SAMD5: variants seen among roughly 807,000 people sequenced by gnomAD.
SAMD5 encodes sterile alpha motif domain containing 5.
SAMD5 carries 13 observed loss-of-function variants against 11.3 expected under a neutral mutation model. The ratio of observed to expected loss-of-function variants is 1.15; its 90% CI spans 0.75 to 1.83. The LOEUF is 1.83. SAMD5 is among the 40% of genes most tolerant of loss of function. SAMD5 has a pLI of 0.00. For synonymous variants in SAMD5, 129 were observed against 111.3 expected, an observed-to-expected ratio of 1.16 and a Z score of -1.00; for missense variants, 255 against 239.1, an observed-to-expected ratio of 1.07 and a Z score of -0.44.
chr6:147,652,947 C>T (rs569672029), intron 1 of SAMD5, among the ~76,000 whole-genome samples: 2 of 152,240 alleles, frequency 1.3e-5, no homozygotes, highest in Admixed American at 6.5e-5. Flanking sequence ...CAGAATTCAG[C>T]GACTTCGATT....
intron 1 of SAMD5, among the ~76,000 whole-genome samples, chr6:147,719,029 ACAAC>A (rs1791507337): frequency 1.3e-5 from 2 of 152,182 alleles, no homozygotes; most frequent in South Asian, 4.1e-4. Context: ...TCTTGTGGAA[ACAAC>A]CAGCCAGATA....
chr6:147,808,068 A>G, the SAMD5 span, among the ~76,000 whole-genome samples: 2 of 152,240 alleles, frequency 1.3e-5, no homozygotes, highest in Non-Finnish European at 2.9e-5. Context: ...CCTCAAAATG[A>G]GAGTCTAGAC....
At chr6:147,914,158 CTTT>C in the SAMD5 span, among the ~76,000 whole-genome samples, 38 of 132,304 alleles carry the variant, frequency 2.9e-4, no homozygotes, top group Admixed American at 4.5e-4. Flanking sequence ...GTTTTTGCGA[CTTT>C]TTTTTTTTTT....
At chr6:147,645,779 G>T (rs1790387540) in intron 1 of SAMD5, among the ~76,000 whole-genome samples, 1 of 152,142 alleles carries the variant, frequency 6.6e-6, no homozygotes, top group Non-Finnish European at 1.5e-5. Flanking sequence ...TGCTGATTGT[G>T]TGAGAAATAC....
At chr6:147,648,753 A>C (rs1790440256) in intron 1 of SAMD5, among the ~76,000 whole-genome samples, 1 of 152,262 alleles carries the variant, frequency 6.6e-6, no homozygotes, top group Non-Finnish European at 1.5e-5. Context: ...CAAGAAACAT[A>C]AAGAAAGTAA....
intron 1 of SAMD5, among the ~76,000 whole-genome samples, chr6:147,511,716 A>T (rs1269993434): frequency 1.3e-5 from 2 of 152,170 alleles, no homozygotes; most frequent in East Asian, 3.8e-4. Context: ...CATATAATTA[A>T]TATACATATA....
chr6:147,753,654 A>G, the SAMD5 span, among the ~76,000 whole-genome samples: 4 of 152,028 alleles, frequency 2.6e-5, no homozygotes. Flanking sequence ...AACAGGTCCT[A>G]TTCATTCTAC....
the SAMD5 span, among the ~76,000 whole-genome samples, chr6:147,926,309 G>C: frequency 6.6e-6 from 1 of 152,084 alleles, no homozygotes; most frequent in Non-Finnish European, 1.5e-5. Flanking sequence ...TGTTGACGGT[G>C]TATAAGAATT....
intron 1 of SAMD5, among the ~76,000 whole-genome samples, chr6:147,582,141 C>T (rs1789307686): frequency 6.6e-6 from 1 of 150,952 alleles, no homozygotes; most frequent in Admixed American, 6.6e-5. Context: ...GGTGGATCAT[C>T]TGAGGTCAGA....
At chr6:147,828,022 G>A in the SAMD5 span, among the ~76,000 whole-genome samples, 4 of 151,504 alleles carry the variant, frequency 2.6e-5, no homozygotes, top group East Asian at 3.9e-4. Context: ...TCCTGACCTC[G>A]TGATCTGCCC....
chr6:147,651,730 G>A lies in SAMD5; in HGVS notation c.163-85587G>A, dbSNP rs139330037. On this transcript the variant is annotated intron_variant, in intron 1 of 1. Transcript: ENST00000566741. ...CCGGTTTGAAGTATTTTATTATAGTGGCCCAAACAGATGAAGACTACTATT... is the reference window on the plus strand; with the variant it reads ...CCGGTTTGAAGTATTTTATTATAGTAGCCCAAACAGATGAAGACTACTATT... Among the ~76,000 whole-genome samples, 3 of 152,194 alleles carry A rather than the reference G, an allele frequency of 2.0e-5. No individual in the cohort carries two copies. The East Asian group carries it at 5.8e-4, about 29-fold the overall frequency.
the SAMD5 span, among the ~76,000 whole-genome samples, chr6:147,876,665 G>A: frequency 6.6e-6 from 1 of 152,208 alleles, no homozygotes; most frequent in African/African-American, 2.4e-5. Flanking sequence ...ATACTGGTTT[G>A]TACTAGAAAA....
intron 1 of SAMD5, among the ~76,000 whole-genome samples, chr6:147,581,859 G>A (rs1397716652): frequency 2.0e-5 from 3 of 152,108 alleles, no homozygotes; most frequent in Non-Finnish European, 2.9e-5. Flanking sequence ...ATGAGAGGTG[G>A]GTGGAGAGTT....
the SAMD5 span, among the ~76,000 whole-genome samples, chr6:147,852,671 A>T: frequency 6.6e-6 from 1 of 152,212 alleles, no homozygotes; most frequent in East Asian, 1.9e-4. Flanking sequence ...ACTCTATGCT[A>T]AATCTCCCAG....
At chr6:147,757,477 T>C in the SAMD5 span, among the ~76,000 whole-genome samples, 1 of 152,208 alleles carries the variant, frequency 6.6e-6, no homozygotes, top group Admixed American at 6.5e-5. Context: ...TTAGAACCCC[T>C]TCCCACTCTA....
chr6:147,529,223 G>A (rs536878327), intron 1 of SAMD5, among the ~76,000 whole-genome samples: 8 of 152,156 alleles, frequency 5.3e-5, no homozygotes, highest in Non-Finnish European at 1.2e-4. Context: ...GGAAATATTA[G>A]TATTTGCATT....
At chr6:147,766,276 A>G in the SAMD5 span, among the ~76,000 whole-genome samples, 1 of 152,172 alleles carries the variant, frequency 6.6e-6, no homozygotes, top group Non-Finnish European at 1.5e-5. Flanking sequence ...TGAGAAAATT[A>G]TCAGACATAA....
the SAMD5 span, among the ~76,000 whole-genome samples, chr6:147,843,299 T>C: frequency 1.3e-5 from 2 of 152,240 alleles, no homozygotes; most frequent in Admixed American, 1.3e-4. Context: ...AAGTGAAAGA[T>C]CTGTATACTA....
chr6:147,895,581 TG>T, the SAMD5 span, among the ~76,000 whole-genome samples: 1 of 152,174 alleles, frequency 6.6e-6, no homozygotes, highest in African/African-American at 2.4e-5. Flanking sequence ...TTCCTATTCC[TG>T]CCATTGTTCA....
Sources: allele counts gnomAD v4.1 joint callset (sites outside exome capture counted in the v4.1 genomes callset), GRCh38; gene constraint gnomAD v4.1.1; transcripts MANE v1.5; gene names NCBI Gene and HGNC (gene_info 2026-07-23, HGNC 2026-07-21).